Variants in GAS6 observed in about 807,000 individuals in gnomAD.
The protein encoded by GAS6 is growth arrest specific 6.
A neutral mutation model predicts 75.8 loss-of-function variants in GAS6; 41 were observed. The ratio of observed to expected loss-of-function variants is 0.54; its 90% CI spans 0.42 to 0.70. The LOEUF is 0.70. Among genes scored for constraint, GAS6 ranks in the 30% least tolerant of loss-of-function variants. The pLI is 0.00. For missense variants in GAS6, 854 were observed against 940.2 expected, an observed-to-expected ratio of 0.91 and a Z score of 1.20; for synonymous variants, 432 against 412.6, an observed-to-expected ratio of 1.05 and a Z score of -0.57.
rs538727758 is a variant in GAS6 at position 113,851,473 on chromosome 13, A to C, written c.256-3423T>G. ...TGAATGGGTGAATGAGAGTGAGTAGATAGATGAATACATGAATGAATGAAT... is the reference window on the plus strand; with the variant it reads ...TGAATGGGTGAATGAGAGTGAGTAGCTAGATGAATACATGAATGAATGAAT... On this transcript the variant is annotated intron_variant, in intron 2 of 14. Transcript: ENST00000327773. 2.7e-5 allele frequency among the ~76,000 whole-genome samples: 4 copies of C among 150,498 alleles called. No homozygotes were observed. The South Asian group carries it at 6.4e-4, about 24-fold the overall frequency.
chr13:113,863,824 G>A lies in GAS6; in HGVS notation c.88+9C>T. 1 of 1,360,830 alleles carries A rather than the reference G, an allele frequency of 7.3e-7. No homozygotes were observed. Among genetic ancestry groups the A allele is most frequent in the Non-Finnish European group, 9.4e-7 (1 of 1,067,484 alleles). 84.3% of individuals were successfully genotyped at this position (1,360,830 alleles called of 1,614,324 possible). A position where few individuals can be genotyped will look rare whatever the true frequency, so the allele number is the denominator to read the frequency against. The stretch of plus-strand genomic sequence containing the variant: ...CCCGGGGACGGGGTCTCGGGCCCGC[G>A]GGACTCACCAAGCGCGCACTCCGCG... On this transcript the variant is annotated intron_variant, in intron 1 of 14. Transcript: ENST00000327773. The surrounding 1 kb of genome is among the most constrained non-coding windows in gnomAD (Gnocchi z 9.4).
chr13:113,858,575 G>A (rs1440825632), intron 2 of GAS6, among the ~76,000 whole-genome samples: 1 of 149,576 alleles, frequency 6.7e-6, no homozygotes, highest in Non-Finnish European at 1.5e-5. Context: ...GTGTGTGCAT[G>A]TCTGTGTGTG....
chr13:113,849,224 G>A (rs541207277), intron 2 of GAS6, among the ~76,000 whole-genome samples: 1 of 152,324 alleles, frequency 6.6e-6, no homozygotes, highest in African/African-American at 2.4e-5. Context: ...GTCAGGGTGA[G>A]CTGGTGTGCA....
chr13:113,828,454 A>G, intron 11 of GAS6, 93 bp downstream of exon 11: 1 of 1,335,414 alleles, frequency 7.5e-7, no homozygotes, highest in Non-Finnish European at 1.0e-6. Context: ...GGTTAATGGT[A>G]AACACAGGGC....
chr13:113,826,583 C>T lies in GAS6; in HGVS notation c.1477+413G>A, dbSNP rs866958876. ...CTCTCCCCGGCCTCCCGGCGCTGGC[C>T]TCGCAGGCACCTTCTCTCCCCGGCC... On this transcript the variant is annotated intron_variant, in intron 12 of 14. Transcript: ENST00000327773. 1.7e-3 allele frequency among the ~76,000 whole-genome samples: 143 copies of T among 82,778 alleles called. 13 individuals carry two copies. The highest frequency in any genetic ancestry group is 7.6e-3 in the African/African-American group (132 of 17,416). The allele number at this position is 82,778 out of a possible 152,430, so 54.3% of individuals were successfully genotyped here. A position where few individuals can be genotyped will look rare whatever the true frequency, so the allele number is the denominator to read the frequency against.
At chr13:113,838,899 C>G (rs888027791) in intron 5 of GAS6, among the ~76,000 whole-genome samples, 4 of 152,118 alleles carry the variant, frequency 2.6e-5, no homozygotes, top group Non-Finnish European at 5.9e-5. Context: ...AGAGAGGGAC[C>G]CCAGGGCTTG....
At chr13:113,851,176 T>C (rs542916058) in intron 2 of GAS6, among the ~76,000 whole-genome samples, 1 of 151,724 alleles carries the variant, frequency 6.6e-6, no homozygotes, top group Non-Finnish European at 1.5e-5. Flanking sequence ...GACGGATGAC[T>C]GAGTGGGTAA....
chr13:113,842,323 A>C (rs2051794557), intron 4 of GAS6: 3 of 348,972 alleles, frequency 8.6e-6, no homozygotes, highest in Non-Finnish European at 1.5e-5. Flanking sequence ...AGTGTTTCTA[A>C]GATGCTATTT....
chr13:113,861,337 C>T (rs1018477804), intron 2 of GAS6, among the ~76,000 whole-genome samples: 3 of 152,128 alleles, frequency 2.0e-5, no homozygotes, highest in East Asian at 1.9e-4. Flanking sequence ...TACAACCACC[C>T]GTGGAGGACC....
chr13:113,846,723 C>G, intron 3 of GAS6, 134 bp from the exon 4 acceptor site: 1 of 706,630 alleles, frequency 1.4e-6, no homozygotes, highest in Non-Finnish European at 2.5e-6. Context: ...AGAAACAATG[C>G]CGCTTAGCTT....
At chr13:113,826,914 C>T in intron 12 of GAS6, 82 bp downstream of exon 12, 5 of 1,093,550 alleles carry the variant, frequency 4.6e-6, no homozygotes, top group African/African-American at 1.7e-5. Flanking sequence ...ACGCTGCCAT[C>T]TGAGGCCGTC....
intron 12 of GAS6, among the ~76,000 whole-genome samples, chr13:113,825,317 G>A (rs984125719): frequency 1.3e-4 from 19 of 150,752 alleles, no homozygotes; most frequent in Non-Finnish European, 2.4e-4. Context: ...CAAGGGCACC[G>A]GCCTCTGCTC....
chr13:113,855,236 C>A (rs1432416755), intron 2 of GAS6, among the ~76,000 whole-genome samples: 2 of 152,200 alleles, frequency 1.3e-5, no homozygotes, highest in Non-Finnish European at 2.9e-5. Flanking sequence ...GACCCAAGTT[C>A]ACCTTTGGAG....
At chr13:113,840,487 G>A (rs2138646045) in intron 4 of GAS6, 1 of 152,608 alleles carries the variant, frequency 6.6e-6, no homozygotes, top group East Asian at 1.9e-4. Context: ...CCTGAGGGTG[G>A]GAACCCGTGC....
chr13:113,827,586 G>GC (rs1463668884), intron 11 of GAS6, among the ~76,000 whole-genome samples: 3 of 149,568 alleles, frequency 2.0e-5, no homozygotes, highest in East Asian at 3.9e-4. Context: ...CTGTGGGCCT[G>GC]GGAAGCAGGT....
intron 2 of GAS6, among the ~76,000 whole-genome samples, chr13:113,854,741 T>A (rs1412854175): frequency 6.6e-6 from 1 of 152,212 alleles, no homozygotes; most frequent in Non-Finnish European, 1.5e-5. Flanking sequence ...TTTGGCAGCA[T>A]CCTTGCGGGC....
At chr13:113,833,303 A>G in intron 8 of GAS6, 1 of 1,013,498 alleles carries the variant, frequency 9.9e-7, no homozygotes, top group Non-Finnish European at 1.2e-6. Context: ...CACCCTCTGC[A>G]TGAGTACATG....
At chr13:113,855,750 G>A (rs1010093273) in intron 2 of GAS6, among the ~76,000 whole-genome samples, 3 of 152,264 alleles carry the variant, frequency 2.0e-5, no homozygotes, top group East Asian at 1.9e-4. Context: ...CCCTGACTGC[G>A]ACCACCACCA....
rs1444506753 is a variant in GAS6, at chr13:113,850,073, TAA to T, written c.256-2025_256-2024del. Among the ~76,000 whole-genome samples the T allele has an allele frequency of 3.3e-5, 5 of 152,212 alleles. No individual in the cohort carries two copies. In the East Asian group the frequency reaches 9.6e-4, roughly 29 times the overall value. ...AACATTCTGGTATACACTCCTGAGA[TAA>T]AGACATTTCACATTGTCCTGAGAAC... On this transcript the variant is annotated intron_variant, in intron 2 of 14. Transcript: ENST00000327773.
Sources: allele counts gnomAD v4.1 joint callset (sites outside exome capture counted in the v4.1 genomes callset), GRCh38; gene constraint gnomAD v4.1.1; non-coding constraint Gnocchi (gnomAD v3.1); transcripts MANE v1.5; gene names NCBI Gene and HGNC (gene_info 2026-07-23, HGNC 2026-07-21).